Variants in MIA2 observed in about 807,000 individuals in gnomAD.
MIA2 encodes the protein melanoma inhibitory activity protein 2.
A neutral mutation model predicts 167.8 loss-of-function variants in MIA2; 127 were observed. The ratio of observed to expected loss-of-function variants is 0.76; its 90% confidence interval spans 0.66 to 0.88. The LOEUF is 0.88. MIA2 is among the 40% of genes least tolerant of loss of function. The pLI, the probability that MIA2 is intolerant of heterozygous loss-of-function variation, is 0.00. For missense variants in MIA2, 1,690 were observed against 1,624.7 expected (o/e 1.04, Z -0.69); for synonymous variants, 552 against 541.9 (o/e 1.02, Z -0.26).
chr14:39,272,740 G>C (rs924992891), intron 6 of MIA2, among the ~76,000 whole-genome samples: 1 of 152,198 alleles, frequency 6.6e-6, no homozygotes, highest in Non-Finnish European at 1.5e-5. Flanking sequence ...TCCAGCCTGG[G>C]TGACAGACTC....
Position 39,267,526 on chromosome 14 carries a change from A to T in MIA2, c.1888-9408A>T, listed in dbSNP as rs1440455480. The T allele has an allele frequency of 1.9e-6, 3 of 1,613,114 alleles. 1 individual carries two copies. Among genetic ancestry groups the T allele is most frequent in the South Asian group, 2.2e-5 (2 of 91,064 alleles). On this transcript the variant is annotated intron_variant, in intron 6 of 28. Coordinates refer to ENST00000640607, the MANE Select transcript of MIA2 (RefSeq NM_001329214.4). ...GCTCCTGGAGGAGCTACGCAGGGTG[A>T]GCCCAGGCGCGATGAGTGTTACGTG...
At position 39,277,077 on chromosome 14, in the gene MIA2, G is replaced by C; in HGVS notation, c.2019+12G>C. The C allele has an allele frequency of 1.9e-6, 3 of 1,608,622 alleles. No individual in the cohort carries two copies. Among genetic ancestry groups the C allele is most frequent in the Non-Finnish European group, 2.5e-6 (3 of 1,178,332 alleles). On this transcript the variant is annotated intron_variant, in intron 7 of 28. Transcript: ENST00000640607. ...GAAGTTTTAGATCGGTAAGTAACCAGTGCTATACTAAGAGAATGTTCATTT... is the reference window on the plus strand; with the variant it reads ...GAAGTTTTAGATCGGTAAGTAACCACTGCTATACTAAGAGAATGTTCATTT...
At chr14:39,274,063 C>T (rs1028807185) in intron 6 of MIA2, among the ~76,000 whole-genome samples, 1 of 152,058 alleles carries the variant, frequency 6.6e-6, no homozygotes, top group African/African-American at 2.4e-5. Context: ...TATATTTTGT[C>T]AACCTGATTA....
chr14:39,308,077 T>C (rs2063647043), intron 17 of MIA2, among the ~76,000 whole-genome samples: 1 of 152,170 alleles, frequency 6.6e-6, no homozygotes, highest in Non-Finnish European at 1.5e-5. Flanking sequence ...TTCTTTTTCT[T>C]AGATCTACTT....
Position 39,247,078 on chromosome 14 carries a change from T to C in MIA2, c.504T>C (p.Thr168=), listed in dbSNP as rs1231124790. The C allele has an allele frequency of 6.2e-7, 1 of 1,607,378 alleles. No individual in the cohort carries two copies. The highest frequency in any genetic ancestry group is 1.1e-5 in the South Asian group (1 of 89,216). ...AGATAGAACCTGGATTTTATGCAAC[T>C]TATGAAAGTACTTTGTTTGAAGACC... ...DFQIEPGFYA[T]YESTLFEDQV... The change falls in exon 4 of 29, where the codon ACT becomes ACC. Residue 168 remains threonine (T), a synonymous_variant. Coordinates refer to ENST00000640607, the MANE Select transcript of MIA2 (RefSeq NM_001329214.4).
chr14:39,248,812 T>A (rs2054425914), intron 4 of MIA2, among the ~76,000 whole-genome samples: 1 of 152,038 alleles, frequency 6.6e-6, no homozygotes, highest in South Asian at 2.1e-4. Context: ...TGATCTCAGG[T>A]CACCGCAGCC....
chr14:39,370,838 T>TA (rs1307042584), intron 23 of MIA2: 1 of 152,894 alleles, frequency 6.5e-6, no homozygotes, highest in African/African-American at 2.4e-5. Flanking sequence ...GCTTTGATCT[T>TA]ACAGTCTTTT....
At chr14:39,347,283 C>A (rs72675450) in intron 26 of MIA2, among the ~76,000 whole-genome samples, 1 of 152,080 alleles carries the variant, frequency 6.6e-6, no homozygotes, top group East Asian at 1.9e-4. Context: ...TAACAAAGTT[C>A]GGGAACATTT....
At chr14:39,324,559 CTT>C (rs2067081219) in intron 24 of MIA2, among the ~76,000 whole-genome samples, 2 of 151,738 alleles carry the variant, frequency 1.3e-5, no homozygotes, top group Admixed American at 1.3e-4. Context: ...ATTTTGTTCT[CTT>C]AAAGGAGGTA....
chr14:39,243,615 C>T (rs1168683964), intron 3 of MIA2, among the ~76,000 whole-genome samples: 1 of 152,176 alleles, frequency 6.6e-6, no homozygotes, highest in Non-Finnish European at 1.5e-5. Flanking sequence ...CCTGTAATCC[C>T]AGCAGTTTGG....
chr14:39,236,263 T>A (rs2053742191), intron 1 of MIA2, among the ~76,000 whole-genome samples: 1 of 152,160 alleles, frequency 6.6e-6, no homozygotes, highest in Admixed American at 6.5e-5. Context: ...TAGGCTGGAA[T>A]AATCAGGCTG....
intron 9 of MIA2, among the ~76,000 whole-genome samples, chr14:39,282,270 A>G (rs2059065379): frequency 6.6e-6 from 1 of 152,180 alleles, no homozygotes; most frequent in Non-Finnish European, 1.5e-5. Context: ...CTTTTATGTA[A>G]AATAAGTTTT....
At chr14:39,277,782 TTA>T (rs2058382484) in intron 7 of MIA2, among the ~76,000 whole-genome samples, 1 of 101,116 alleles carries the variant, frequency 9.9e-6, no homozygotes, top group Non-Finnish European at 2.0e-5. Flanking sequence ...ATATATATAT[TTA>T]TATTTAAAGA....
chr14:39,375,104 C>T (rs7153079), intron 23 of MIA2, among the ~76,000 whole-genome samples: 44,220 of 151,644 alleles, frequency 0.29, 6,682 homozygotes, highest in East Asian at 0.5. Context: ...CTTCCTGCTG[C>T]TTGTTAGTAA....
intron 12 of MIA2, 33 bp from the exon 13 acceptor site, chr14:39,294,892 T>A (rs372567773): frequency 1.4e-6 from 2 of 1,380,738 alleles, no homozygotes; most frequent in Non-Finnish European, 2.1e-6. Context: ...TTAAATTAAT[T>A]GTTACAAACT....
intron 23 of MIA2, among the ~76,000 whole-genome samples, chr14:39,359,816 T>A (rs1325414844): frequency 6.6e-6 from 1 of 152,208 alleles, no homozygotes; most frequent in Admixed American, 6.5e-5. Flanking sequence ...TCCTTTTATA[T>A]GCTTATTTCT....
intron 10 of MIA2, among the ~76,000 whole-genome samples, chr14:39,292,325 AATT>A (rs750744737): frequency 2.3e-4 from 35 of 152,314 alleles, no homozygotes; most frequent in South Asian, 2.1e-3. Context: ...CAAGGTAATG[AATT>A]ATTATAGGAG....
At chr14:39,352,072 A>C (rs540098622), downstream of MIA2, among the ~76,000 whole-genome samples, 1 of 151,988 alleles carries the variant, frequency 6.6e-6, no homozygotes, top group Admixed American at 6.6e-5. Flanking sequence ...TTTGCTTTAT[A>C]CTTAGGCCAG....
intron 6 of MIA2, among the ~76,000 whole-genome samples, chr14:39,275,805 G>A (rs1424389774): frequency 6.6e-6 from 1 of 152,092 alleles, no homozygotes; most frequent in African/African-American, 2.4e-5. Flanking sequence ...TGGTACCTAG[G>A]GTAATGTAGG....
Sources: gnomAD v4.1 joint callset for allele counts (sites outside exome capture counted in the v4.1 genomes callset) on GRCh38, gnomAD v4.1.1 for gene constraint, MANE v1.5 for transcripts, NCBI Gene and HGNC (gene_info 2026-07-23, HGNC 2026-07-21) for gene names.